Variants in ROBO2 observed in about 807,000 individuals in gnomAD.
ROBO2 encodes the protein roundabout guidance receptor 2.
A neutral mutation model predicts 160.8 loss-of-function variants in ROBO2; 53 were observed. The observed-to-expected ratio is 0.33, with a 90% confidence interval of 0.26 to 0.41. The LOEUF (loss-of-function observed/expected upper bound fraction) is 0.41. Ranked by LOEUF, ROBO2 falls within the 10% of genes least tolerant of loss-of-function variation. ROBO2 has a pLI of 1.00. For synonymous variants in ROBO2, 664 were observed against 611.7 expected (o/e 1.09, Z -1.26); for missense variants, 1,577 against 1,722.4 (o/e 0.92, Z 1.49).
chr3:76,422,258 G>A (rs533029318), intron 2 of ROBO2, among the ~76,000 whole-genome samples: 1 of 152,242 alleles, frequency 6.6e-6, no homozygotes, highest in South Asian at 2.1e-4. Flanking sequence ...GCCCACTCTA[G>A]TCTCTCCCAA....
At chr3:76,221,632 A>T (rs1337531929) in intron 2 of ROBO2, among the ~76,000 whole-genome samples, 3 of 152,212 alleles carry the variant, frequency 2.0e-5, no homozygotes, top group Non-Finnish European at 2.9e-5. Context: ...AGGTATTGCG[A>T]TCTAGCTGGT....
intron 2 of ROBO2, among the ~76,000 whole-genome samples, chr3:77,129,735 G>A (rs1040035650): frequency 2.0e-5 from 3 of 152,120 alleles, no homozygotes; most frequent in South Asian, 2.1e-4. Context: ...GCATCTCATC[G>A]ATTTGCTGAG....
chr3:76,193,353 C>T (rs901066578), intron 2 of ROBO2, among the ~76,000 whole-genome samples: 1 of 152,028 alleles, frequency 6.6e-6, no homozygotes, highest in African/African-American at 2.4e-5. Flanking sequence ...TTGCTGTGTC[C>T]ATATCTAAGC....
chr3:76,403,613 G>C (rs2077973379), intron 2 of ROBO2, among the ~76,000 whole-genome samples: 1 of 151,398 alleles, frequency 6.6e-6, no homozygotes. Context: ...TTTAACTGCA[G>C]GCCACCACTT....
chr3:77,622,834 T>C (rs996437344), intron 23 of ROBO2, among the ~76,000 whole-genome samples: 2 of 152,162 alleles, frequency 1.3e-5, no homozygotes, highest in African/African-American at 4.8e-5. Flanking sequence ...TGTAAAATCA[T>C]TCACTGATGG....
chr3:77,028,688 C>T (rs1026240039), intron 2 of ROBO2, among the ~76,000 whole-genome samples: 7 of 152,098 alleles, frequency 4.6e-5, no homozygotes, highest in African/African-American at 1.7e-4. Context: ...CACTGTACTC[C>T]AGCCTGGGTG....
At chr3:75,937,883 A>G (rs528424307) in intron 2 of ROBO2, among the ~76,000 whole-genome samples, 7 of 134,192 alleles carry the variant, frequency 5.2e-5, no homozygotes, top group African/African-American at 1.7e-4. Context: ...ATGAGGTATT[A>G]TGAGGCTATG....
intron 1 of ROBO2, among the ~76,000 whole-genome samples, chr3:75,912,196 T>C (rs556434606): frequency 3.3e-5 from 5 of 152,298 alleles, no homozygotes; most frequent in South Asian, 4.1e-4. Context: ...GAGTGCTAGA[T>C]CACAGGACAA....
chr3:77,349,166 T>A (rs763471536), intron 2 of ROBO2, among the ~76,000 whole-genome samples: 1 of 152,132 alleles, frequency 6.6e-6, no homozygotes, highest in African/African-American at 2.4e-5. Flanking sequence ...TAAATAATAC[T>A]GAGAAAAAAA....
chr3:76,417,203 A>C (rs1178194264), intron 2 of ROBO2, among the ~76,000 whole-genome samples: 1 of 152,206 alleles, frequency 6.6e-6, no homozygotes, highest in Non-Finnish European at 1.5e-5. Context: ...AGATATTGCC[A>C]TAGAAATAAC....
At chr3:75,971,691 G>A (rs2064999174) in intron 2 of ROBO2, among the ~76,000 whole-genome samples, 1 of 151,318 alleles carries the variant, frequency 6.6e-6, no homozygotes, top group Non-Finnish European at 1.5e-5. Context: ...AATTTTTCAA[G>A]TTTGGAAAAC....
chr3:76,282,960 ATATTTTTTCTTTATTTTATTT>A (rs1708305992), intron 2 of ROBO2, among the ~76,000 whole-genome samples: 1 of 150,276 alleles, frequency 6.7e-6, no homozygotes, highest in Non-Finnish European at 1.5e-5. Flanking sequence ...ACAGATTGAG[ATATTTTTTCTTTATTTTATTT>A]TATTTTTTCT....
At chr3:76,543,243 A>G (rs948352465) in intron 2 of ROBO2, among the ~76,000 whole-genome samples, 2 of 152,168 alleles carry the variant, frequency 1.3e-5, no homozygotes, top group African/African-American at 4.8e-5. Flanking sequence ...CCAAATTTAT[A>G]TGTAGAAGTG....
At chr3:76,543,199 C>T (rs992939298) in intron 2 of ROBO2, among the ~76,000 whole-genome samples, 3 of 152,148 alleles carry the variant, frequency 2.0e-5, no homozygotes, top group African/African-American at 7.2e-5. Context: ...TCTGATTGTT[C>T]ACAATGACTG....
intron 2 of ROBO2, among the ~76,000 whole-genome samples, chr3:77,468,140 A>G (rs2082977356): frequency 6.6e-6 from 1 of 152,202 alleles, no homozygotes; most frequent in Non-Finnish European, 1.5e-5. Context: ...AAAGAAAAGG[A>G]ACTGATTAAA....
In ROBO2 at chr3:77,100,964, C is replaced by T. The variant is rs185694983; in HGVS notation, c.388+2624C>T. On this transcript the variant is annotated intron_variant, in intron 2 of 25. Coordinates refer to ENST00000461745, the Ensembl canonical transcript of ROBO2. ...TAGAAAGAATGGAAGCTTAAATGAA[C>T]ACTGTGTATTCGGAGAACTGCCAGG... is the stretch of plus-strand genomic sequence containing the variant. Among the ~76,000 whole-genome samples the T allele has an allele frequency of 3.1e-3, 467 of 152,256 alleles. 2 individuals carry two copies. Among genetic ancestry groups the T allele is most frequent in the African/African-American group, 0.01 (429 of 41,540 alleles).
intron 2 of ROBO2, among the ~76,000 whole-genome samples, chr3:76,964,856 T>C (rs977991070): frequency 1.3e-5 from 2 of 152,214 alleles, no homozygotes; most frequent in Non-Finnish European, 2.9e-5. Context: ...TTACTACTTT[T>C]AGTAATTCAT....
chr3:77,363,837 C>T (rs1010351736), intron 2 of ROBO2, among the ~76,000 whole-genome samples: 1 of 151,940 alleles, frequency 6.6e-6, no homozygotes, highest in Non-Finnish European at 1.5e-5. Context: ...CTATGACCTG[C>T]CTTGGAGAAG....
chr3:76,168,219 T>C (rs73116899), intron 2 of ROBO2, among the ~76,000 whole-genome samples: 10,714 of 152,292 alleles, frequency 0.07, 527 homozygotes, highest in Non-Finnish European at 0.11. Flanking sequence ...CATTTCAATG[T>C]CAAACCCTTA....
Sources: allele counts gnomAD v4.1 joint callset (sites outside exome capture counted in the v4.1 genomes callset), GRCh38; gene constraint gnomAD v4.1.1; transcripts MANE v1.5; gene names NCBI Gene and HGNC (gene_info 2026-07-23, HGNC 2026-07-21).